CTNNA2: variants seen among roughly 807,000 people sequenced by gnomAD.
CTNNA2 encodes catenin alpha 2.
In CTNNA2, 42 loss-of-function variants were observed where a neutral mutation model predicts 101.0. The ratio of observed to expected loss-of-function variants is 0.42; its 90% CI spans 0.32 to 0.54. CTNNA2 has a LOEUF of 0.54. Among genes scored for constraint, CTNNA2 ranks in the 20% least tolerant of loss-of-function variants. The pLI is 0.14. For synonymous variants in CTNNA2, 450 were observed against 456.4 expected (o/e 0.99, Z 0.18); for missense variants, 871 against 1,223.1 (o/e 0.71, Z 4.29).
At chr2:79,775,611 A>G (rs1039785042) in intron 3 of CTNNA2, among the ~76,000 whole-genome samples, 2 of 152,216 alleles carry the variant, frequency 1.3e-5, no homozygotes, top group Non-Finnish European at 2.9e-5. Flanking sequence ...TAGTTACAGC[A>G]TTAAAAACAA....
At chr2:80,260,960 G>C (rs2149122695) in intron 7 of CTNNA2, among the ~76,000 whole-genome samples, 1 of 152,260 alleles carries the variant, frequency 6.6e-6, no homozygotes, top group African/African-American at 2.4e-5. Flanking sequence ...ACATGTGGAA[G>C]GATAGACCTA....
intron 6 of CTNNA2, among the ~76,000 whole-genome samples, chr2:79,892,595 A>G (rs1353109663): frequency 6.6e-6 from 1 of 152,242 alleles, no homozygotes; most frequent in African/African-American, 2.4e-5. Flanking sequence ...TTTTAAAGAT[A>G]GGGCACTTGT....
intron 6 of CTNNA2, among the ~76,000 whole-genome samples, chr2:79,896,791 C>T (rs1416506766): frequency 1.3e-5 from 2 of 152,162 alleles, no homozygotes; most frequent in South Asian, 4.1e-4. Flanking sequence ...AGTTAAAGAT[C>T]GTGTTTCCAG....
chr2:79,835,232 T>G (rs2105444407), intron 3 of CTNNA2, among the ~76,000 whole-genome samples: 1 of 152,302 alleles, frequency 6.6e-6, no homozygotes, highest in East Asian at 1.9e-4. Flanking sequence ...AGAATAACAT[T>G]AAACATTTCA....
At chr2:80,509,545 T>G (rs1688537109) in intron 9 of CTNNA2, among the ~76,000 whole-genome samples, 1 of 152,198 alleles carries the variant, frequency 6.6e-6, no homozygotes, top group Non-Finnish European at 1.5e-5. Context: ...GGATGTCTTC[T>G]GTCTAAGAGT....
intron 2 of CTNNA2, among the ~76,000 whole-genome samples, chr2:79,657,615 C>T (rs1681707596): frequency 1.3e-5 from 2 of 151,508 alleles, no homozygotes; most frequent in Non-Finnish European, 3.0e-5. Context: ...AAGTCACATT[C>T]TAAAACTTTT....
chr2:79,254,939 G>A (rs2104277835), intron 2 of CTNNA2, among the ~76,000 whole-genome samples: 1 of 152,296 alleles, frequency 6.6e-6, no homozygotes, highest in Admixed American at 6.5e-5. Context: ...CAAGGATGAT[G>A]CATTAGAGCA....
intron 12 of CTNNA2, among the ~76,000 whole-genome samples, chr2:80,572,270 T>C (rs1694665000): frequency 6.6e-6 from 1 of 152,228 alleles, no homozygotes; most frequent in Non-Finnish European, 1.5e-5. Context: ...ACTGTGTATT[T>C]ATCAGCAATA....
At chr2:80,358,294 A>AT (rs1674039151) in intron 7 of CTNNA2, among the ~76,000 whole-genome samples, 1 of 139,420 alleles carries the variant, frequency 7.2e-6, no homozygotes. Context: ...ATATCAAAAT[A>AT]TTTTTGCTAA....
At chr2:79,865,608 G>A (rs985718344) in intron 4 of CTNNA2, among the ~76,000 whole-genome samples, 4 of 152,162 alleles carry the variant, frequency 2.6e-5, no homozygotes, top group African/African-American at 9.7e-5. Flanking sequence ...TGCAGGCAGG[G>A]ATGTATCAGA....
intron 7 of CTNNA2, among the ~76,000 whole-genome samples, chr2:80,139,571 G>A (rs1004644233): frequency 4.6e-5 from 7 of 151,924 alleles, no homozygotes; most frequent in Admixed American, 2.6e-4. Context: ...AGTGTAATAC[G>A]TATCAGTATA....
intron 7 of CTNNA2, among the ~76,000 whole-genome samples, chr2:80,047,497 C>T (rs1432799230): frequency 6.6e-6 from 1 of 152,120 alleles, no homozygotes. Context: ...GGGAAGAAGA[C>T]AGTCCCTGAA....
At chr2:79,583,956 T>TA (rs1391113225) in intron 1 of CTNNA2, among the ~76,000 whole-genome samples, 2 of 152,174 alleles carry the variant, frequency 1.3e-5, no homozygotes. Flanking sequence ...AAACTGGAAA[T>TA]ACGCTTGTAA....
rs13420998 is a variant in CTNNA2 at position 79,949,228 on chromosome 2, T to C, written c.1056+39431T>C. Among the ~76,000 whole-genome samples, 560 of 152,288 alleles carry C rather than the reference T, an allele frequency of 3.7e-3. 7 individuals are homozygous for C. Among genetic ancestry groups the C allele is most frequent in the African/African-American group, 0.013 (535 of 41,544 alleles). Reference sequence around the variant, plus strand: ...TATATTTCATATTGTAAGGAGCAAGTATGTTATGACCCCCAAGGCCTTGTT... The same window carrying C: ...TATATTTCATATTGTAAGGAGCAAGCATGTTATGACCCCCAAGGCCTTGTT... On this transcript the variant is annotated intron_variant, in intron 7 of 18. Transcript: ENST00000402739.
chr2:79,717,445 G>A (rs1270139285), intron 2 of CTNNA2, among the ~76,000 whole-genome samples: 1 of 152,302 alleles, frequency 6.6e-6, no homozygotes, highest in African/African-American at 2.4e-5. Context: ...GCTAAAGGAA[G>A]TGTGGTTCAG....
At chr2:79,523,338 A>G (rs1672222914) in intron 1 of CTNNA2, 1 of 374,770 alleles carries the variant, frequency 2.7e-6, no homozygotes, top group Non-Finnish European at 5.2e-6. Context: ...ATACATATAT[A>G]TTTTTTTCTT....
Position 79,766,946 on chromosome 2 carries a change from G to C in CTNNA2, c.298+22364G>C, listed in dbSNP as rs1022607800. ...ATTCTTTGTATTTTTAGTAGAGATA[G>C]GGTTTCACCATGTTGGCCAGGCTGA... On this transcript the variant is annotated intron_variant, in intron 3 of 18. Transcript: ENST00000402739. Among the ~76,000 whole-genome samples the C allele has an allele frequency of 3.3e-5, 5 of 151,928 alleles. No individual in the cohort carries two copies. In the East Asian group the frequency reaches 7.9e-4, roughly 24 times the overall value.
intron 9 of CTNNA2, among the ~76,000 whole-genome samples, chr2:80,485,133 C>T (rs1334145450): frequency 6.6e-6 from 1 of 152,110 alleles, no homozygotes; most frequent in Non-Finnish European, 1.5e-5. Context: ...TTTCCCAAGT[C>T]CTTTAAATCA....
intron 4 of CTNNA2, among the ~76,000 whole-genome samples, chr2:79,468,063 A>C (rs2104543283): frequency 6.6e-6 from 1 of 152,250 alleles, no homozygotes; most frequent in East Asian, 1.9e-4. Context: ...TAAATGCTCC[A>C]ATTAAAAGAC....
Sources: allele counts gnomAD v4.1 joint callset (sites outside exome capture counted in the v4.1 genomes callset), GRCh38; gene constraint gnomAD v4.1.1; transcripts MANE v1.5; gene names NCBI Gene and HGNC (gene_info 2026-07-23, HGNC 2026-07-21).